Variants in SIGLEC6 observed in about 807,000 individuals in gnomAD.
SIGLEC6 encodes sialic acid-binding Ig-like lectin 6.
SIGLEC6 carries 31 observed loss-of-function variants against 41.4 expected under a neutral mutation model. That is an observed-to-expected ratio of 0.75 (90% CI 0.56 to 1.01). The LOEUF is 1.01. Ranked by LOEUF, SIGLEC6 falls within the 50% of genes least tolerant of loss-of-function variation. The pLI, the probability that SIGLEC6 is intolerant of heterozygous loss-of-function variation, is 0.00. For synonymous variants in SIGLEC6, 217 were observed against 231.0 expected (o/e 0.94, Z 0.55); for missense variants, 555 against 558.6 (o/e 0.99, Z 0.06).
At position 51,527,769 on chromosome 19, in the gene SIGLEC6, G is replaced by T. The variant is rs747159752; in HGVS notation, c.1166C>A (p.Pro389His). Residue 389 changes from proline to histidine, a missense_variant, in exon 7 of 8, where the codon CCC (proline) becomes CAC (histidine). Coordinates refer to ENST00000425629, the MANE Select transcript of SIGLEC6 (RefSeq NM_001245.7). Reference sequence around the variant, plus strand: ...CACCCTGGAGCCTGAGACCATGACGGGGTTCACATCATCCGTGTTTTGCAC... The same window carrying T: ...CACCCTGGAGCCTGAGACCATGACGTGGTTCACATCATCCGTGTTTTGCAC... ...QPVQNTDDVNPVMVSGSRGHQ... is the reference protein window; with the variant it reads ...QPVQNTDDVNHVMVSGSRGHQ... 1 of 1,614,012 alleles carries T rather than the reference G, an allele frequency of 6.2e-7. No individual in the cohort carries two copies. The highest frequency in any genetic ancestry group is 8.5e-7 in the Non-Finnish European group (1 of 1,179,994).
chr19:51,527,900 C>G, intron 6 of SIGLEC6, 72 bp from the exon 7 acceptor site: 1 of 1,437,580 alleles, frequency 7.0e-7, no homozygotes, highest in Admixed American at 1.7e-5. Context: ...ACCATCTCCC[C>G]ACTCCCTATG....
At position 51,529,789 on chromosome 19, in the gene SIGLEC6, TCTC is replaced by T. The variant is rs745780320; in HGVS notation, c.944_946del (p.Gly315del). ...AGGATGCTGAGCACGGCAGGTGAAA[TCTC>T]CTTCTTCTGCAGACCCTACTTGAGG... is the stretch of plus-strand genomic sequence containing the variant. On this transcript the variant is annotated inframe_deletion, in exon 5 of 8. Coordinates refer to ENST00000425629, the MANE Select transcript of SIGLEC6 (RefSeq NM_001245.7). 6 of 1,613,774 alleles carry T rather than the reference TCTC, an allele frequency of 3.7e-6. No homozygotes were observed. Among genetic ancestry groups the T allele is most frequent in the East Asian group, 4.5e-5 (2 of 44,880 alleles).
rs763590355 is a variant in SIGLEC6, at chr19:51,530,956, A to G, written c.431T>C (p.Leu144Pro). ...SSKLSVRVMA[L>P]THRPNISIPG... Reference sequence around the variant, plus strand: ...GATGGAGATGTTGGGCCTGTGGGTCAGGGCTGGTGAGGAGATGGGGACGCA... The same window carrying G: ...GATGGAGATGTTGGGCCTGTGGGTCGGGGCTGGTGAGGAGATGGGGACGCA... The change falls in exon 3 of 8, where the codon CTG becomes CCG. Residue 144 changes from leucine (L) to proline (P), a missense_variant. By Grantham distance (98) the Leu-to-Pro change is moderately conservative (BLOSUM62 -3). Transcript: ENST00000425629. 4 of 1,609,984 alleles carry G rather than the reference A, an allele frequency of 2.5e-6. No homozygotes were observed. In the African/African-American group the frequency reaches 5.3e-5, roughly 22 times the overall value.
Position 51,531,506 on chromosome 19 carries a change from C to T in SIGLEC6, c.81G>A (p.Gln27=). 1 of 1,613,894 alleles carries T rather than the reference C, an allele frequency of 6.2e-7. No individual in the cohort carries two copies. The highest frequency in any genetic ancestry group is 8.5e-7 in the Non-Finnish European group (1 of 1,179,882). Residue 27 remains glutamine, a synonymous_variant, in exon 2 of 8, where the codon CAG becomes CAA. Transcript: ENST00000425629. The part of the protein sequence containing the change: ...LPLLWAGALA[Q]ERRFQLEGPE... ...GCCCCTCCAGCTGGAATCTCCGCTC[C>T]TGAGCCAGGGCCCCTATGGAGACAT...
At position 51,518,577 on chromosome 19, in the gene SIGLEC6, T is replaced by C. The variant is rs1990685685; in HGVS notation, c.*1505A>G. 6.6e-6 allele frequency among the ~76,000 whole-genome samples: 1 copy of C among 152,224 alleles called. No homozygotes were observed. Among genetic ancestry groups the C allele is most frequent in the Admixed American group, 6.5e-5 (1 of 15,280 alleles). ...CCAGTCTCGAACTCCTGACCTCCAGTGATCCACCCACCTCAGCCTCCCAAA... is the reference window on the plus strand; with the variant it reads ...CCAGTCTCGAACTCCTGACCTCCAGCGATCCACCCACCTCAGCCTCCCAAA... On this transcript the variant is annotated 3_prime_UTR_variant, in exon 8 of 8. Transcript: ENST00000425629.
In SIGLEC6 at chr19:51,526,688, A is replaced by G. The variant is rs530418325; in HGVS notation, c.1188+1059T>C. Among the ~76,000 whole-genome samples the G allele has an allele frequency of 9.8e-5, 15 of 152,328 alleles. No individual in the cohort carries two copies. The South Asian group carries it at 3.1e-3, about 32-fold the overall frequency. ...ACTAGTTCCCCAGCAAAAGTTCTTAACCAGAATGAAATGGATAAAATAACA... is the reference window on the plus strand; with the variant it reads ...ACTAGTTCCCCAGCAAAAGTTCTTAGCCAGAATGAAATGGATAAAATAACA... On this transcript the variant is annotated intron_variant, in intron 7 of 7. Coordinates refer to ENST00000425629, the MANE Select transcript of SIGLEC6 (RefSeq NM_001245.7).
intron 7 of SIGLEC6, among the ~76,000 whole-genome samples, chr19:51,524,861 G>A (rs1978934691): frequency 6.6e-6 from 1 of 152,206 alleles, no homozygotes; most frequent in African/African-American, 2.4e-5. Flanking sequence ...GGATTGGCAT[G>A]GAGCCAAGGG....
intron 3 of SIGLEC6, 30 bp from the exon 4 acceptor site, chr19:51,530,514 A>G (rs1482389524): frequency 6.2e-7 from 1 of 1,613,808 alleles, no homozygotes; most frequent in Non-Finnish European, 8.5e-7. Flanking sequence ...CCGCCTCAAC[A>G]TCCCTGAGGA....
rs1235640609 is a variant in SIGLEC6 at position 51,530,988 on chromosome 19, G to C, written c.428-29C>G. 3.7e-6 allele frequency: 6 copies of C among 1,601,226 alleles called. No individual in the cohort carries two copies. In the African/African-American group the frequency reaches 5.4e-5, roughly 14 times the overall value. On this transcript the variant is annotated intron_variant, in intron 2 of 7. Coordinates refer to ENST00000425629, the MANE Select transcript of SIGLEC6 (RefSeq NM_001245.7). The stretch of plus-strand genomic sequence containing the variant: ...GTGAGGAGATGGGGACGCAGGATCA[G>C]GATGGAGGTCTGAGGTTTCACCCAG...
intron 7 of SIGLEC6, among the ~76,000 whole-genome samples, chr19:51,521,714 G>T (rs1978325744): frequency 6.6e-6 from 1 of 152,030 alleles, no homozygotes; most frequent in African/African-American, 2.4e-5. Flanking sequence ...TTTTCCTGAG[G>T]GTCTGAACAA....
At position 51,527,748 on chromosome 19, in the gene SIGLEC6, C is replaced by G; in HGVS notation, c.1187G>C (p.Arg396Thr). ...DVNPVMVSGS[R>T]GHQHQFQTGI... Reference sequence around the variant, plus strand: ...GAAATTAAGGTCTCTGTCACTCACCCTGGAGCCTGAGACCATGACGGGGTT... The same window carrying G: ...GAAATTAAGGTCTCTGTCACTCACCGTGGAGCCTGAGACCATGACGGGGTT... The change falls in exon 7 of 8, where the codon AGG becomes ACG. Residue 396 changes from arginine (R) to threonine (T), a missense_variant and splice_region_variant. Transcript: ENST00000425629. 1.9e-6 allele frequency: 3 copies of G among 1,613,934 alleles called. No homozygotes were observed. The highest frequency in any genetic ancestry group is 2.5e-6 in the Non-Finnish European group (3 of 1,179,838).
chr19:51,521,844 G>C (rs147067159), intron 7 of SIGLEC6, among the ~76,000 whole-genome samples: 1 of 152,150 alleles, frequency 6.6e-6, no homozygotes, highest in Non-Finnish European at 1.5e-5. Context: ...TGTTTCACAA[G>C]GAAAACAGGC....
intron 7 of SIGLEC6, among the ~76,000 whole-genome samples, chr19:51,520,476 A>G (rs1990838899): frequency 6.6e-6 from 1 of 151,946 alleles, no homozygotes; most frequent in South Asian, 2.1e-4. Context: ...GCAGCCTTGA[A>G]CACCTGGGTT....
intron 3 of SIGLEC6, 60 bp from the exon 4 acceptor site, chr19:51,530,544 C>T: frequency 6.2e-7 from 1 of 1,611,428 alleles, no homozygotes; most frequent in Admixed American, 1.7e-5. Flanking sequence ...GGCATGGGGC[C>T]TTCCCCTCAG....
rs1980250018 is a variant in SIGLEC6, at chr19:51,531,105, GC to G, written c.427+54del. ...AAGACGGGGCTCCCGTCCCAGCCCT[GC>G]CCTACGGCCCCCATGACCTTCCCCT... On this transcript the variant is annotated intron_variant, in intron 2 of 7. Coordinates refer to ENST00000425629, the MANE Select transcript of SIGLEC6 (RefSeq NM_001245.7). The G allele has an allele frequency of 2.6e-6, 4 of 1,552,334 alleles. No homozygotes were observed. In the South Asian group the frequency reaches 5.0e-5, roughly 19 times the overall value.
At chr19:51,531,560 A>G (rs1600054862) in intron 1 of SIGLEC6, 22 bp downstream of exon 1, 1 of 1,613,620 alleles carries the variant, frequency 6.2e-7, no homozygotes, top group African/African-American at 1.3e-5. Flanking sequence ...GCCCCACGGC[A>G]CCTCTCCCCT....
intron 7 of SIGLEC6, among the ~76,000 whole-genome samples, chr19:51,527,450 G>A (rs1979419289): frequency 6.6e-6 from 1 of 152,032 alleles, no homozygotes; most frequent in Non-Finnish European, 1.5e-5. Flanking sequence ...AATGCCATAA[G>A]AAAAGACTAA....
intron 7 of SIGLEC6, among the ~76,000 whole-genome samples, chr19:51,520,806 C>G (rs900014830): frequency 3.3e-5 from 5 of 152,042 alleles, no homozygotes; most frequent in Non-Finnish European, 7.4e-5. Flanking sequence ...ATCTTACAAA[C>G]GGGAACACTA....
intron 7 of SIGLEC6, among the ~76,000 whole-genome samples, chr19:51,524,539 T>C (rs1488905718): frequency 1.3e-5 from 2 of 152,164 alleles, no homozygotes; most frequent in Non-Finnish European, 2.9e-5. Flanking sequence ...TGAACACTAG[T>C]GTAAAATAAC....
Sources: gnomAD v4.1 joint callset for allele counts (sites outside exome capture counted in the v4.1 genomes callset) on GRCh38, gnomAD v4.1.1 for gene constraint, MANE v1.5 for transcripts, NCBI Gene and HGNC (gene_info 2026-07-23, HGNC 2026-07-21) for gene names.